The following NCOR2 variants were observed in gnomAD, a reference collection of about 807,000 sequenced individuals.
NCOR2 encodes the protein CTG repeat protein 26.
In NCOR2, 81 loss-of-function variants were observed where a neutral mutation model predicts 262.9. The observed-to-expected ratio is 0.31, with a 90% CI of 0.26 to 0.37. The LOEUF is 0.37. Ranked by LOEUF, NCOR2 falls within the 10% of genes least tolerant of loss-of-function variation. The pLI is 1.00. For missense variants in NCOR2, 3,385 were observed against 3,621.4 expected (o/e 0.93, Z 1.68); for synonymous variants, 1,659 against 1,559.3 (o/e 1.06, Z -1.51).
chr12:124,355,884 C>A (rs1200974734), intron 23 of NCOR2, among the ~76,000 whole-genome samples: 1 of 152,176 alleles, frequency 6.6e-6, no homozygotes, highest in East Asian at 1.9e-4. Context: ...CTTATAGGAA[C>A]CAAAAGGACC....
chr12:124,359,844 G>C (rs2038386763), intron 22 of NCOR2, among the ~76,000 whole-genome samples: 1 of 152,258 alleles, frequency 6.6e-6, no homozygotes, highest in African/African-American at 2.4e-5. Flanking sequence ...GGCAGAATAG[G>C]CTGGCTTCCT....
chr12:124,475,113 T>C (rs1382060252), intron 3 of NCOR2, among the ~76,000 whole-genome samples: 1 of 152,132 alleles, frequency 6.6e-6, no homozygotes, highest in Non-Finnish European at 1.5e-5. Flanking sequence ...GCCTCTGGCC[T>C]CTGTTACCAT....
exon 47 of NCOR2, chr12:124,325,381 C>CCT (rs1555297240): frequency 2.6e-6 from 1 of 380,678 alleles, no homozygotes; most frequent in African/African-American, 2.7e-5. Context: ...GACACCGCCC[C>CCT]CCCCCCCGCC....
upstream of NCOR2, among the ~76,000 whole-genome samples, chr12:124,498,063 G>A (rs1032884922): frequency 4.6e-5 from 7 of 152,126 alleles, no homozygotes; most frequent in South Asian, 2.1e-4. Flanking sequence ...AACAGTTCCC[G>A]GTCTCTCGGA....
intron 1 of NCOR2, among the ~76,000 whole-genome samples, chr12:124,518,753 C>G (rs1056868254): frequency 6.6e-6 from 1 of 152,258 alleles, no homozygotes; most frequent in African/African-American, 2.4e-5. Flanking sequence ...CGGCTCTTCG[C>G]TCGCTGGCAG....
chr12:124,376,921 G>A (rs1206276310), intron 18 of NCOR2, among the ~76,000 whole-genome samples: 1 of 152,210 alleles, frequency 6.6e-6, no homozygotes, highest in Non-Finnish European at 1.5e-5. Flanking sequence ...TCAGAAAGGA[G>A]AGTCAGGGAC....
At position 124,482,849 on chromosome 12, in the gene NCOR2, C is replaced by T. The variant is rs1447231259; in HGVS notation, c.411+747G>A. 6.6e-6 allele frequency among the ~76,000 whole-genome samples: 1 copy of T among 152,172 alleles called. No homozygotes were observed. The highest frequency in any genetic ancestry group is 1.9e-4 in the East Asian group (1 of 5,192). On this transcript the variant is annotated intron_variant, in intron 3 of 46. Transcript: ENST00000405201. The surrounding 1 kb of genome is among the most constrained non-coding windows in gnomAD (Gnocchi z 6.3). ...CCTGGGTGGCTGCAGACTCAACCCA[C>T]GCTAGCCCAGTGCCACACGGTGGCC... is the stretch of plus-strand genomic sequence containing the variant.
Position 124,523,850 on chromosome 12 carries a change from G to A in NCOR2, c.-118+11715C>T, listed in dbSNP as rs2050319904. Among the ~76,000 whole-genome samples, 1 of 152,174 alleles carries A rather than the reference G, an allele frequency of 6.6e-6. No individual in the cohort carries two copies. The highest frequency in any genetic ancestry group is 1.5e-5 in the Non-Finnish European group (1 of 68,040). On this transcript the variant is annotated intron_variant, in intron 1 of 46. Transcript: ENST00000404621. This position sits in a 1 kb window ranked among gnomAD's most constrained non-coding sequence, Gnocchi z 4.0. ...GACTTGCCCAAGGGGACGGGGCTGG[G>A]AAGTGGCAATGTCGGTTTTGAACTC... is the stretch of plus-strand genomic sequence containing the variant.
chr12:124,490,626 A>AC (rs34757790), intron 1 of NCOR2, among the ~76,000 whole-genome samples: 15,865 of 150,108 alleles, frequency 0.11, 948 homozygotes, highest in African/African-American at 0.16. Context: ...TAATGGAGAG[A>AC]CCCCCCCCAG....
chr12:124,501,764 C>G (rs78900181), intron 1 of NCOR2, among the ~76,000 whole-genome samples: 3,854 of 152,294 alleles, frequency 0.025, 167 homozygotes, highest in African/African-American at 0.088. Context: ...CCAGGTTCCA[C>G]GCAGACGTAC....
chr12:124,342,463 G>A (rs1193324660), intron 33 of NCOR2, among the ~76,000 whole-genome samples: 3 of 152,002 alleles, frequency 2.0e-5, no homozygotes, highest in Admixed American at 1.3e-4. Flanking sequence ...TCCGCCTCCC[G>A]GGTTCACGCC....
chr12:124,423,409 G>T (rs942768712), intron 11 of NCOR2, among the ~76,000 whole-genome samples: 15 of 152,194 alleles, frequency 9.9e-5, no homozygotes, highest in African/African-American at 3.4e-4. Flanking sequence ...ACCAGTGCCC[G>T]ACCTGCCTGG....
Position 124,483,562 on chromosome 12 carries a change from G to A in NCOR2, c.411+34C>T, listed in dbSNP as rs535312972. 5.0e-5 allele frequency: 76 copies of A among 1,528,412 alleles called. No individual in the cohort carries two copies. The South Asian group carries it at 9.1e-4, about 18-fold the overall frequency. The allele number at this position is 1,528,412 out of a possible 1,614,324, so 94.7% of individuals were successfully genotyped here. A position where few individuals can be genotyped will look rare whatever the true frequency, so the allele number is the denominator to read the frequency against. ...CCAACCAGCAGCAGAACCTCAAGCG[G>A]GAGAGGAGCTCCCAGCTGGGGGCCC... On this transcript the variant is annotated intron_variant, in intron 3 of 46. Coordinates refer to ENST00000405201, the Ensembl canonical transcript of NCOR2. The surrounding 1 kb of genome is among the most constrained non-coding windows in gnomAD (Gnocchi z 6.3).
rs2040910122 is a variant in NCOR2, at chr12:124,387,566, G to A, written c.1877-1679C>T. On this transcript the variant is annotated intron_variant, in intron 16 of 46. Transcript: ENST00000405201. ...CTCTGGCCCCCGTGGCGTGGGGGTG[G>A]CACTGACTGACAGGCCACCTGTTCG... Among the ~76,000 whole-genome samples the A allele has an allele frequency of 2.6e-5, 4 of 152,314 alleles. No individual in the cohort carries two copies. The South Asian group carries it at 8.3e-4, about 32-fold the overall frequency.
intron 20 of NCOR2, among the ~76,000 whole-genome samples, chr12:124,365,895 C>T (rs909159538): frequency 1.3e-5 from 2 of 152,202 alleles, no homozygotes; most frequent in Non-Finnish European, 2.9e-5. Context: ...CAGATGGTAT[C>T]ACCTGTCCCA....
chr12:124,328,758 T>C (rs2034915694), intron 44 of NCOR2: 1 of 188,192 alleles, frequency 5.3e-6, no homozygotes, highest in African/African-American at 2.4e-5. Flanking sequence ...GACCACTCGC[T>C]CCTTTGTAAA....
intron 2 of NCOR2, 22 bp downstream of exon 4, chr12:124,486,419 G>T: frequency 6.2e-7 from 1 of 1,611,786 alleles, no homozygotes; most frequent in Non-Finnish European, 8.5e-7. Context: ...CCTGGACAGG[G>T]AGGCAGCAAC....
intron 16 of NCOR2, among the ~76,000 whole-genome samples, chr12:124,395,206 G>C (rs1162465917): frequency 1.3e-5 from 2 of 152,270 alleles, no homozygotes; most frequent in East Asian, 3.9e-4. Context: ...AGCAATAGCC[G>C]CTTCTCCAGT....
exon 47 of NCOR2, chr12:124,325,387 C>CT: frequency 3.0e-6 from 2 of 655,986 alleles, no homozygotes; most frequent in Non-Finnish European, 4.3e-6. Flanking sequence ...GCCCCCCCCC[C>CT]CGCCCTGTTC....
Sources: allele counts gnomAD v4.1 joint callset (sites outside exome capture counted in the v4.1 genomes callset), GRCh38; gene constraint gnomAD v4.1.1; non-coding constraint Gnocchi (gnomAD v3.1); transcripts MANE v1.5; gene names NCBI Gene and HGNC (gene_info 2026-07-23, HGNC 2026-07-21).